CD163L1: variants seen among roughly 807,000 people sequenced by gnomAD.
The protein encoded by CD163L1 is scavenger receptor cysteine-rich type 1 protein M160.
A neutral mutation model predicts 165.4 loss-of-function variants in CD163L1; 124 were observed. The ratio of observed to expected loss-of-function variants is 0.75; its 90% CI spans 0.65 to 0.87. CD163L1 has a LOEUF of 0.87. Ranked by LOEUF, CD163L1 falls within the 40% of genes least tolerant of loss-of-function variation. CD163L1 has a pLI of 0.00. For synonymous variants in CD163L1, 585 were observed against 662.2 expected (o/e 0.88, Z 1.79); for missense variants, 1,525 against 1,799.9 (o/e 0.85, Z 2.76).
the CD163L1 span, among the ~76,000 whole-genome samples, chr12:7,325,145 G>A: frequency 1.3e-5 from 2 of 152,206 alleles, no homozygotes; most frequent in African/African-American, 4.8e-5. Context: ...ACTGGTACAT[G>A]CTGATCGGTC....
intron 4 of CD163L1, among the ~76,000 whole-genome samples, chr12:7,411,034 T>G (rs894919816): frequency 6.6e-6 from 1 of 151,268 alleles, no homozygotes; most frequent in African/African-American, 2.4e-5. Flanking sequence ...AAAACAAAAC[T>G]TTAAAAGCAC....
intron 4 of CD163L1, among the ~76,000 whole-genome samples, chr12:7,423,065 C>T (rs1948469085): frequency 6.6e-6 from 1 of 151,944 alleles, no homozygotes; most frequent in Non-Finnish European, 1.5e-5. Flanking sequence ...CTAAGCTCGA[C>T]CTCATAATTG....
In CD163L1 at chr12:7,398,548, T is replaced by C; in HGVS notation, c.1445A>G (p.His482Arg). ...CTCCAATCTCCCATAACAGGGGCTATGAGCCCCGACAAGCCTTAGGTCCAG... is the reference window on the plus strand; with the variant it reads ...CTCCAATCTCCCATAACAGGGGCTACGAGCCCCGACAAGCCTTAGGTCCAG... Reference protein sequence around the residue: ...ADLDLRLVGAHSPCYGRLEVK... With the variant: ...ADLDLRLVGARSPCYGRLEVK... The change falls in exon 7 of 20, where the codon CAT becomes CGT. Residue 482 changes from histidine (H) to arginine (R), a missense_variant. By Grantham distance (29) the His-to-Arg change is conservative. Transcript: ENST00000313599. The surrounding 1 kb of genome is among the most constrained non-coding windows in gnomAD (Gnocchi z 4.5). 2 of 1,604,834 alleles carry C rather than the reference T, an allele frequency of 1.2e-6. No homozygotes were observed. The highest frequency in any genetic ancestry group is 1.7e-6 in the Non-Finnish European group (2 of 1,175,614).
At chr12:7,328,426 A>C in the CD163L1 span, 8 of 1,312,424 alleles carry the variant, frequency 6.1e-6, no homozygotes, top group Non-Finnish European at 8.3e-6. Flanking sequence ...TTCTTTTAGT[A>C]TTTGTTCCGA....
chr12:7,329,438 T>C, the CD163L1 span, among the ~76,000 whole-genome samples: 1 of 151,558 alleles, frequency 6.6e-6, no homozygotes, highest in Non-Finnish European at 1.5e-5. Flanking sequence ...TCAGGAACTA[T>C]GAAAAAGAAG....
At chr12:7,399,276 TTTC>T (rs1446536409) in intron 6 of CD163L1, among the ~76,000 whole-genome samples, 6 of 142,830 alleles carry the variant, frequency 4.2e-5, no homozygotes, top group Admixed American at 2.8e-4. Flanking sequence ...TTTCTTCCTT[TTTC>T]TTCTTTCCTT....
intron 2 of CD163L1, chr12:7,438,984 C>A (rs1232587875): frequency 6.2e-7 from 1 of 1,606,806 alleles, no homozygotes. Flanking sequence ...GTGTCCTCAA[C>A]CTTTCTCGGG....
In CD163L1 at chr12:7,347,903, T is replaced by G. The variant is rs1439696709; in HGVS notation, c.*25-756A>C. Among the ~76,000 whole-genome samples, 3 of 152,240 alleles carry G rather than the reference T, an allele frequency of 2.0e-5. No homozygotes were observed. Among genetic ancestry groups the G allele is most frequent in the Non-Finnish European group, 4.4e-5 (3 of 68,040 alleles). ...AAATTAAAAACTGGTTGCATTGAAC[T>G]ATTATTGAGTTTCCACATGAGCTTC... On this transcript the variant is annotated intron_variant, in intron 4 of 4. Transcript: ENST00000539726. This position sits in a 1 kb window ranked among gnomAD's most constrained non-coding sequence, Gnocchi z 4.2.
At chr12:7,329,166 GTGTATA>G in the CD163L1 span, among the ~76,000 whole-genome samples, 1 of 147,772 alleles carries the variant, frequency 6.8e-6, no homozygotes, top group Non-Finnish European at 1.5e-5. Flanking sequence ...ACATCTGAAA[GTGTATA>G]TGTATATATA....
At chr12:7,378,333 A>G (rs766164549) in intron 9 of CD163L1, among the ~76,000 whole-genome samples, 1 of 152,228 alleles carries the variant, frequency 6.6e-6, no homozygotes, top group South Asian at 2.1e-4. Flanking sequence ...TCCAATGCAC[A>G]CACAGACACA....
chr12:7,399,004 T>C (rs1469142766), intron 6 of CD163L1, among the ~76,000 whole-genome samples: 3 of 152,166 alleles, frequency 2.0e-5, no homozygotes, highest in African/African-American at 7.2e-5. Context: ...TGTCCACTCA[T>C]GTTTTATAAG....
chr12:7,332,051 T>C, the CD163L1 span, among the ~76,000 whole-genome samples: 1 of 151,908 alleles, frequency 6.6e-6, no homozygotes, highest in African/African-American at 2.4e-5. Context: ...ATTAGATGAA[T>C]GGATAACTAG....
At chr12:7,440,089 C>T in intron 2 of CD163L1, 2 of 944,444 alleles carry the variant, frequency 2.1e-6, no homozygotes, top group Non-Finnish European at 1.6e-6. Context: ...AGCGGCGTAA[C>T]GGAAGCCGAC....
the CD163L1 span, chr12:7,328,730 G>T: frequency 6.4e-6 from 1 of 155,198 alleles, no homozygotes; most frequent in Non-Finnish European, 1.4e-5. Flanking sequence ...TAAGAGAAAT[G>T]TTCAAGACAA....
intron 6 of CD163L1, among the ~76,000 whole-genome samples, chr12:7,399,483 T>TTTTTCC (rs1947869611): frequency 6.7e-6 from 1 of 149,162 alleles, no homozygotes; most frequent in Admixed American, 6.7e-5. Context: ...TCCTTCCTTC[T>TTTTTCC]TCTTCCTCTT....
intron 2 of CD163L1, among the ~76,000 whole-genome samples, chr12:7,437,031 T>C (rs1282365463): frequency 6.7e-6 from 1 of 150,130 alleles, no homozygotes; most frequent in East Asian, 1.9e-4. Context: ...TGAAATAATT[T>C]TCTTGAAACA....
intron 14 of CD163L1, among the ~76,000 whole-genome samples, chr12:7,371,931 A>T (rs756452669): frequency 8.6e-4 from 131 of 152,132 alleles, no homozygotes; most frequent in Non-Finnish European, 1.5e-3. Context: ...AATATCAGCT[A>T]ATATATCATC....
intron 5 of CD163L1, 154 bp from the exon 6 acceptor site, chr12:7,404,009 T>C: frequency 3.8e-6 from 2 of 530,484 alleles, no homozygotes; most frequent in Non-Finnish European, 6.2e-6. Context: ...TGTTTTAAAA[T>C]TTTAAAGATT....
rs775682744 is a variant in CD163L1 at position 7,375,751 on chromosome 12, G to A, written c.2635C>T (p.His879Tyr). ...CTGTGGATACAAGTGTCTTCCGGAT[G>A]TTGAACAATGGGGCATAATGCAAGG... ...THLALCPIVQ[H>Y]PEDTCIHSRE... Residue 879 changes from histidine to tyrosine, a missense_variant, in exon 10 of 20, where the codon CAT (histidine) becomes TAT (tyrosine). By Grantham distance (83) the His-to-Tyr change is moderately conservative. Transcript: ENST00000313599. 5.0e-6 allele frequency: 8 copies of A among 1,614,230 alleles called. No individual in the cohort carries two copies. In the East Asian group the frequency reaches 1.8e-4, roughly 36 times the overall value.
Sources: allele counts gnomAD v4.1 joint callset (sites outside exome capture counted in the v4.1 genomes callset), GRCh38; gene constraint gnomAD v4.1.1; non-coding constraint Gnocchi (gnomAD v3.1); transcripts MANE v1.5; gene names NCBI Gene and HGNC (gene_info 2026-07-23, HGNC 2026-07-21).